Variants in BICC1 observed in about 807,000 individuals in gnomAD.
The protein encoded by BICC1 is protein bicaudal C homolog 1.
In BICC1, 43 loss-of-function variants were observed where a neutral mutation model predicts 111.0. The ratio of observed to expected loss-of-function variants is 0.39; its 90% CI spans 0.30 to 0.50. The LOEUF (loss-of-function observed/expected upper bound fraction) is 0.50. Ranked by LOEUF, BICC1 falls within the 20% of genes least tolerant of loss-of-function variation. The pLI, the probability that BICC1 is intolerant of heterozygous loss-of-function variation, is 0.88. For synonymous variants in BICC1, 467 were observed against 434.4 expected (o/e 1.07, Z -0.93); for missense variants, 1,091 against 1,203.2 (o/e 0.91, Z 1.38).
At chr10:58,695,273 G>A (rs747851046) in intron 2 of BICC1, among the ~76,000 whole-genome samples, 2 of 152,078 alleles carry the variant, frequency 1.3e-5, no homozygotes, top group Non-Finnish European at 2.9e-5. Flanking sequence ...TCCCATCTCC[G>A]CTTAGTTGGC....
chr10:58,677,012 A>T (rs1295438429), intron 2 of BICC1, among the ~76,000 whole-genome samples: 2 of 152,222 alleles, frequency 1.3e-5, no homozygotes, highest in African/African-American at 4.8e-5. Flanking sequence ...CAACGTCAAC[A>T]AAAAGGACAA....
At chr10:58,572,543 G>A (rs1431126269) in intron 1 of BICC1, among the ~76,000 whole-genome samples, 1 of 152,032 alleles carries the variant, frequency 6.6e-6, no homozygotes, top group East Asian at 1.9e-4. Flanking sequence ...TTTTCATGGG[G>A]ATTTCATTTT....
intron 3 of BICC1, among the ~76,000 whole-genome samples, chr10:58,759,082 C>A (rs1370188555): frequency 2.6e-5 from 4 of 152,002 alleles, no homozygotes. Flanking sequence ...GCCTCAGCCT[C>A]CTGAGTAGCT....
intron 1 of BICC1, among the ~76,000 whole-genome samples, chr10:58,549,515 T>G (rs1843233621): frequency 6.6e-6 from 1 of 152,108 alleles, no homozygotes; most frequent in African/African-American, 2.4e-5. Flanking sequence ...TAGTATCTCA[T>G]CATTTTAATT....
At chr10:58,519,832 TC>T (rs2132509183) in intron 1 of BICC1, among the ~76,000 whole-genome samples, 1 of 152,228 alleles carries the variant, frequency 6.6e-6, no homozygotes, top group South Asian at 2.1e-4. Context: ...TCCATTGTTT[TC>T]TCCATGTCAA....
intron 2 of BICC1, among the ~76,000 whole-genome samples, chr10:58,694,258 G>C (rs1840003678): frequency 6.6e-6 from 1 of 152,094 alleles, no homozygotes; most frequent in African/African-American, 2.4e-5. Context: ...AAAATGCCAC[G>C]TGGTTTTATG....
chr10:58,740,762 G>C lies in BICC1; in HGVS notation c.307+38619G>C, dbSNP rs550211398. Among the ~76,000 whole-genome samples the C allele has an allele frequency of 2.0e-5, 3 of 152,322 alleles. No individual in the cohort carries two copies. In the South Asian group the frequency reaches 6.2e-4, roughly 32 times the overall value. Reference sequence around the variant, plus strand: ...ACTCATTCTGGAAGACCTCCTAGAAGAAGTGACATTTGAGTTGGCCTTGAA... The same window carrying C: ...ACTCATTCTGGAAGACCTCCTAGAACAAGTGACATTTGAGTTGGCCTTGAA... On this transcript the variant is annotated intron_variant, in intron 3 of 20. Coordinates refer to ENST00000373886, the MANE Select transcript of BICC1 (RefSeq NM_001080512.3).
chr10:58,756,982 G>A (rs1292285367), intron 3 of BICC1, among the ~76,000 whole-genome samples: 2 of 152,176 alleles, frequency 1.3e-5, no homozygotes, highest in South Asian at 4.2e-4. Context: ...ATTTTCATTG[G>A]TGCTAACATT....
Position 58,828,994 on chromosome 10 carries a change from G to A in BICC1, c.*103G>A. 7.1e-7 allele frequency: 1 copy of A among 1,407,092 alleles called. No individual in the cohort carries two copies. Among genetic ancestry groups the A allele is most frequent in the Non-Finnish European group, 9.7e-7 (1 of 1,034,528 alleles). 87.2% of individuals were successfully genotyped at this position (1,407,092 alleles called of 1,614,324 possible). ...CCATCCTTAGCACTCTGGGTGTCTG[G>A]TATCAGGACCAAAGCATTTTATTCG... On this transcript the variant is annotated 3_prime_UTR_variant, in exon 21 of 21. Coordinates refer to ENST00000373886, the MANE Select transcript of BICC1 (RefSeq NM_001080512.3).
At chr10:58,723,002 T>C (rs1032316072) in intron 3 of BICC1, among the ~76,000 whole-genome samples, 10 of 152,210 alleles carry the variant, frequency 6.6e-5, no homozygotes, top group African/African-American at 2.4e-4. Context: ...ATTCTTCCAC[T>C]GACACTTTGC....
chr10:58,822,734 A>C (rs1392608509), intron 20 of BICC1, among the ~76,000 whole-genome samples: 1 of 152,152 alleles, frequency 6.6e-6, no homozygotes, highest in Non-Finnish European at 1.5e-5. Context: ...ATTCTTCATC[A>C]AAAAGCTTCT....
intron 2 of BICC1, among the ~76,000 whole-genome samples, chr10:58,696,956 G>C (rs551252055): frequency 6.6e-6 from 1 of 152,124 alleles, no homozygotes; most frequent in Non-Finnish European, 1.5e-5. Flanking sequence ...CATTTTCTTC[G>C]TGGAGATTTT....
At chr10:58,532,700 C>T (rs563050865) in intron 1 of BICC1, among the ~76,000 whole-genome samples, 2 of 151,832 alleles carry the variant, frequency 1.3e-5, no homozygotes, top group East Asian at 1.9e-4. Context: ...ACACCATAGG[C>T]ATCTCAGTTG....
At chr10:58,533,482 A>G (rs1221680282) in intron 1 of BICC1, among the ~76,000 whole-genome samples, 1 of 151,836 alleles carries the variant, frequency 6.6e-6, no homozygotes, top group Non-Finnish European at 1.5e-5. Flanking sequence ...TCATATTTTT[A>G]ATTTTTATCT....
intron 1 of BICC1, among the ~76,000 whole-genome samples, chr10:58,568,946 CTCCT>C (rs1564491730): frequency 6.6e-6 from 1 of 152,176 alleles, no homozygotes; most frequent in Non-Finnish European, 1.5e-5. Flanking sequence ...CAGGCTTTCC[CTCCT>C]TTACCTTTTG....
intron 2 of BICC1, among the ~76,000 whole-genome samples, chr10:58,634,581 G>A (rs74647186): frequency 0.011 from 1,627 of 152,242 alleles, 32 homozygotes; most frequent in African/African-American, 0.037. Flanking sequence ...TGCAGTATGG[G>A]TAGGTACAAA....
At chr10:58,539,449 G>A (rs1842904067) in intron 1 of BICC1, among the ~76,000 whole-genome samples, 1 of 151,478 alleles carries the variant, frequency 6.6e-6, no homozygotes, top group African/African-American at 2.4e-5. Flanking sequence ...GTGTTCAGGT[G>A]GTGGGTGCAC....
At chr10:58,825,114 C>G (rs1844357228) in intron 20 of BICC1, among the ~76,000 whole-genome samples, 1 of 152,024 alleles carries the variant, frequency 6.6e-6, no homozygotes. Context: ...TATTAATTTT[C>G]TAAGCTGATA....
At chr10:58,523,908 T>A (rs1353377991) in intron 1 of BICC1, among the ~76,000 whole-genome samples, 1 of 152,058 alleles carries the variant, frequency 6.6e-6, no homozygotes, top group Non-Finnish European at 1.5e-5. Flanking sequence ...TATACACCAA[T>A]AACAGACAAA....
Sources: gnomAD v4.1 joint callset for allele counts (sites outside exome capture counted in the v4.1 genomes callset) on GRCh38, gnomAD v4.1.1 for gene constraint, MANE v1.5 for transcripts, NCBI Gene and HGNC (gene_info 2026-07-23, HGNC 2026-07-21) for gene names.